The following ZMYM4 variants were observed in gnomAD, a reference collection of about 807,000 sequenced individuals.
ZMYM4 encodes zinc finger MYM-type protein 4.
In ZMYM4, 31 loss-of-function variants were observed where a neutral mutation model predicts 183.2. That is an observed-to-expected ratio of 0.17 (90% CI 0.13 to 0.23). The LOEUF (loss-of-function observed/expected upper bound fraction) is 0.23. ZMYM4 is among the 10% of genes least tolerant of loss of function. The pLI is 1.00. For synonymous variants in ZMYM4, 592 were observed against 631.2 expected, an observed-to-expected ratio of 0.94 and a Z score of 0.93; for missense variants, 1,273 against 1,840.3, an observed-to-expected ratio of 0.69 and a Z score of 5.64.
intron 1 of ZMYM4, among the ~76,000 whole-genome samples, chr1:35,277,230 T>C (rs578183172): frequency 5.9e-5 from 9 of 152,334 alleles, no homozygotes; most frequent in Admixed American, 2.6e-4. Flanking sequence ...TTAAAAAATT[T>C]ACCAAGTGAT....
At chr1:35,406,775 C>G (rs967346742) in intron 25 of ZMYM4, among the ~76,000 whole-genome samples, 2 of 152,174 alleles carry the variant, frequency 1.3e-5, no homozygotes, top group African/African-American at 4.8e-5. Context: ...ACCCAACTCA[C>G]AGGAGCCCAT....
chr1:35,299,607 AAAGTG>A (rs774814539), intron 1 of ZMYM4, among the ~76,000 whole-genome samples: 1 of 152,222 alleles, frequency 6.6e-6, no homozygotes, highest in Non-Finnish European at 1.5e-5. Context: ...ATCAAAGGCT[AAAGTG>A]AAGTTACAAA....
intron 26 of ZMYM4, among the ~76,000 whole-genome samples, chr1:35,408,835 G>T (rs1047805575): frequency 6.6e-6 from 1 of 152,134 alleles, no homozygotes; most frequent in Non-Finnish European, 1.5e-5. Flanking sequence ...AATTCAGTAG[G>T]ACTAATAAGT....
In ZMYM4 at chr1:35,370,535, A is replaced by G. The variant is rs1314623684; in HGVS notation, c.1089A>G (p.Leu363=). 3 of 1,613,598 alleles carry G rather than the reference A, an allele frequency of 1.9e-6. No individual in the cohort carries two copies. Among genetic ancestry groups the G allele is most frequent in the South Asian group, 2.2e-5 (2 of 91,054 alleles). Residue 363 remains leucine (L), a synonymous_variant, in exon 7 of 30, where the codon CTA becomes CTG. Coordinates refer to ENST00000314607, the MANE Select transcript of ZMYM4 (RefSeq NM_005095.3). ...ATCAGAGGAAAGGGTCTACTCAGCT[A>G]TTCTGCTCCACACTGTGCCTCACTG... is the stretch of plus-strand genomic sequence containing the variant. ...TAYQRKGSTQ[L]FCSTLCLTGY... is the part of the protein sequence containing the mutation.
At chr1:35,405,332 ATTTTATTTAAACTTTTC>A in intron 24 of ZMYM4, 24 bp from the exon 25 acceptor site, 1 of 1,581,620 alleles carries the variant, frequency 6.3e-7, no homozygotes, top group African/African-American at 1.4e-5. Context: ...CCGCACTTTT[ATTTTATTTAAACTTTTC>A]TTTTATGTTT....
intron 1 of ZMYM4, among the ~76,000 whole-genome samples, chr1:35,320,205 G>A (rs576916421): frequency 3.3e-5 from 5 of 152,282 alleles, no homozygotes; most frequent in African/African-American, 1.2e-4. Flanking sequence ...TTCAGCATGG[G>A]GCTGGTCACC....
chr1:35,348,079 A>G (rs1019979064), intron 2 of ZMYM4, among the ~76,000 whole-genome samples: 2 of 152,206 alleles, frequency 1.3e-5, no homozygotes, highest in African/African-American at 4.8e-5. Flanking sequence ...CTAAAAAGTA[A>G]AGTCTGTTGT....
chr1:35,409,497 A>G (rs1639781912), intron 26 of ZMYM4, among the ~76,000 whole-genome samples: 1 of 150,402 alleles, frequency 6.6e-6, no homozygotes, highest in Non-Finnish European at 1.5e-5. Context: ...ATGATATCTC[A>G]TTGTGTTTTT....
intron 1 of ZMYM4, chr1:35,292,159 A>G (rs1640792837): frequency 6.6e-6 from 1 of 152,136 alleles, no homozygotes; most frequent in Admixed American, 6.5e-5. Flanking sequence ...AAGAGAAAGC[A>G]TATCTTGGTT....
At chr1:35,412,059 T>C (rs12145372) in intron 26 of ZMYM4, among the ~76,000 whole-genome samples, 15 of 151,806 alleles carry the variant, frequency 9.9e-5, no homozygotes, top group African/African-American at 3.6e-4. Context: ...AATTTTTTTT[T>C]TTTTTGTATT....
intron 2 of ZMYM4, among the ~76,000 whole-genome samples, chr1:35,347,895 A>G (rs1296606610): frequency 2.6e-5 from 4 of 152,328 alleles, no homozygotes; most frequent in South Asian, 4.1e-4. Context: ...CTGACATGTA[A>G]TAAGATATGA....
chr1:35,322,413 G>A (rs1642320419), intron 1 of ZMYM4, among the ~76,000 whole-genome samples: 2 of 151,274 alleles, frequency 1.3e-5, no homozygotes, highest in Non-Finnish European at 2.9e-5. Context: ...ATCTTCTAGG[G>A]CTTTTATTTT....
intron 1 of ZMYM4, among the ~76,000 whole-genome samples, chr1:35,301,225 C>T (rs1265633204): frequency 1.3e-5 from 2 of 152,086 alleles, no homozygotes; most frequent in East Asian, 1.9e-4. Context: ...ATTTGATGCC[C>T]CATGTGATAC....
In ZMYM4 at chr1:35,269,018, A is replaced by T. The variant is rs1013972052; in HGVS notation, c.-29A>T. ...GAGGTACCGCCGCCACCGCGCGGGG[A>T]GCCGCAGCGGTTCCGAGCGGGGCCC... On this transcript the variant is annotated 5_prime_UTR_variant, in exon 1 of 30. Transcript: ENST00000314607. 7.2e-6 allele frequency: 11 copies of T among 1,525,396 alleles called. No individual in the cohort carries two copies. In the African/African-American group the frequency reaches 1.6e-4, roughly 22 times the overall value. The allele number at this position is 1,525,396 out of a possible 1,614,324, so 94.5% of individuals were successfully genotyped here. A position where few individuals can be genotyped will look rare whatever the true frequency, so the allele number is the denominator to read the frequency against.
chr1:35,354,182 C>T (rs542054289), intron 2 of ZMYM4, among the ~76,000 whole-genome samples: 239 of 152,158 alleles, frequency 1.6e-3, no homozygotes, highest in Non-Finnish European at 2.9e-3. Context: ...AAATTGACAT[C>T]TCTGAGAAAA....
intron 2 of ZMYM4, among the ~76,000 whole-genome samples, chr1:35,349,364 GCTTT>G (rs1383159145): frequency 6.6e-6 from 1 of 152,094 alleles, no homozygotes; most frequent in Non-Finnish European, 1.5e-5. Context: ...TGGTAAATGT[GCTTT>G]TGTATGTCTC....
intron 1 of ZMYM4, among the ~76,000 whole-genome samples, chr1:35,275,515 C>G (rs1639828239): frequency 6.6e-6 from 1 of 152,166 alleles, no homozygotes; most frequent in African/African-American, 2.4e-5. Flanking sequence ...GCGTGAGCCA[C>G]TGTGCCTTGC....
chr1:35,332,863 T>C (rs575644700), intron 2 of ZMYM4, among the ~76,000 whole-genome samples: 3 of 152,222 alleles, frequency 2.0e-5, no homozygotes, highest in African/African-American at 4.8e-5. Flanking sequence ...CTTGCCTGAT[T>C]TGTATATTTT....
intron 2 of ZMYM4, among the ~76,000 whole-genome samples, chr1:35,341,717 A>T (rs945741355): frequency 2.0e-5 from 3 of 151,948 alleles, no homozygotes; most frequent in Non-Finnish European, 4.4e-5. Flanking sequence ...GTTTTGCTAA[A>T]ATTTGTAGGA....
Sources: gnomAD v4.1 joint callset for allele counts (sites outside exome capture counted in the v4.1 genomes callset) on GRCh38, gnomAD v4.1.1 for gene constraint, MANE v1.5 for transcripts, NCBI Gene and HGNC (gene_info 2026-07-23, HGNC 2026-07-21) for gene names.